The following CDH18 variants were observed in gnomAD, a reference collection of about 807,000 sequenced individuals.
The protein encoded by CDH18 is cadherin-18.
Under a neutral mutation model 67.9 loss-of-function variants are expected in CDH18, and 31 were observed. The observed-to-expected ratio is 0.46, with a 90% CI of 0.34 to 0.62. The LOEUF (loss-of-function observed/expected upper bound fraction) is 0.62. Ranked by LOEUF, CDH18 falls within the 20% of genes least tolerant of loss-of-function variation. The pLI, the probability that CDH18 is intolerant of heterozygous loss-of-function variation, is 0.01. For missense variants in CDH18, 890 were observed against 975.5 expected (o/e 0.91, Z 1.17); for synonymous variants, 362 against 347.2 (o/e 1.04, Z -0.48).
rs1296635572 is a variant in CDH18 at position 20,172,212 on chromosome 5, ATATATATATATGTATATATATATATATG to A, written c.-518+83204_-518+83231del. The stretch of plus-strand genomic sequence containing the variant: ...TGTGTATATATATATATATATATAT[ATATATATATATGTATATATATATATATG>A]TATATATATATATATATCTCCTCTC... On this transcript the variant is annotated intron_variant, in intron 2 of 14. Transcript: ENST00000507958. 2.0e-3 allele frequency among the ~76,000 whole-genome samples: 100 copies of A among 50,702 alleles called. 2 individuals are homozygous for A. The highest frequency in any genetic ancestry group is 8.4e-3 in the African/African-American group (98 of 11,604). 33.3% of individuals were successfully genotyped at this position (50,702 alleles called of 152,430 possible).
chr5:20,027,260 T>G (rs2150444451), intron 2 of CDH18, among the ~76,000 whole-genome samples: 1 of 152,284 alleles, frequency 6.6e-6, no homozygotes, highest in Admixed American at 6.5e-5. Flanking sequence ...CTCCTTAACA[T>G]CCATATAATA....
intron 11 of CDH18, among the ~76,000 whole-genome samples, chr5:19,488,983 T>A (rs1277373236): frequency 6.6e-6 from 1 of 152,114 alleles, no homozygotes; most frequent in Non-Finnish European, 1.5e-5. Flanking sequence ...CATGATCCAA[T>A]ATGTCATTAT....
At chr5:20,288,147 C>T (rs2940441) in intron 1 of CDH18, among the ~76,000 whole-genome samples, 69,365 of 151,168 alleles carry the variant, frequency 0.46, 16,053 homozygotes, top group African/African-American at 0.52. Context: ...TTCCTTTCTG[C>T]AAGAATCTAC....
intron 1 of CDH18, among the ~76,000 whole-genome samples, chr5:20,482,703 G>T (rs2126319563): frequency 6.6e-6 from 1 of 152,070 alleles, no homozygotes; most frequent in East Asian, 1.9e-4. Context: ...TGCTGAAAAA[G>T]CATTTGATAA....
intron 8 of CDH18, among the ~76,000 whole-genome samples, chr5:19,555,868 A>G (rs1738317405): frequency 6.6e-6 from 1 of 152,190 alleles, no homozygotes; most frequent in Non-Finnish European, 1.5e-5. Flanking sequence ...CACAGAGTCT[A>G]CTTCACTCCC....
intron 2 of CDH18, among the ~76,000 whole-genome samples, chr5:20,112,084 T>C (rs966810663): frequency 6.6e-6 from 1 of 152,174 alleles, no homozygotes; most frequent in African/African-American, 2.4e-5. Flanking sequence ...CACACACTTA[T>C]TAAAATTTCA....
chr5:20,448,078 G>C (rs1750147004), intron 1 of CDH18, among the ~76,000 whole-genome samples: 1 of 151,658 alleles, frequency 6.6e-6, no homozygotes, highest in Non-Finnish European at 1.5e-5. Flanking sequence ...ACAGGCCCTG[G>C]TGTGTGATGT....
intron 2 of CDH18, among the ~76,000 whole-genome samples, chr5:19,914,593 C>T (rs1313238185): frequency 1.3e-5 from 2 of 151,646 alleles, no homozygotes; most frequent in African/African-American, 2.4e-5. Flanking sequence ...TGTATATATC[C>T]ACACACTACT....
At chr5:20,349,714 T>C (rs1009748217) in intron 1 of CDH18, among the ~76,000 whole-genome samples, 1 of 152,260 alleles carries the variant, frequency 6.6e-6, no homozygotes, top group Non-Finnish European at 1.5e-5. Context: ...TATTTAACAC[T>C]CTATTGCACA....
At chr5:20,419,864 T>C (rs1370292736) in intron 1 of CDH18, among the ~76,000 whole-genome samples, 3 of 151,054 alleles carry the variant, frequency 2.0e-5, no homozygotes, top group Non-Finnish European at 4.4e-5. Flanking sequence ...CTATCCACTT[T>C]CATGATTTAT....
intron 2 of CDH18, among the ~76,000 whole-genome samples, chr5:20,194,496 A>C (rs946680563): frequency 6.6e-6 from 1 of 152,044 alleles, no homozygotes. Context: ...ATGAATCAAA[A>C]GCTGAGACAC....
intron 2 of CDH18, among the ~76,000 whole-genome samples, chr5:19,960,095 T>A (rs1476068086): frequency 6.6e-6 from 1 of 152,082 alleles, no homozygotes; most frequent in Non-Finnish European, 1.5e-5. Flanking sequence ...TACTGTAGTC[T>A]TTATAAACAC....
chr5:20,432,227 C>T (rs1299802273), intron 1 of CDH18, among the ~76,000 whole-genome samples: 3 of 152,064 alleles, frequency 2.0e-5, no homozygotes, highest in Non-Finnish European at 2.9e-5. Context: ...AAGGTGTCAG[C>T]GCCTTAATTT....
rs575454179 is a variant in CDH18 at position 20,552,345 on chromosome 5, TG to T, written c.-580+23116del. 1.0e-3 allele frequency among the ~76,000 whole-genome samples: 158 copies of T among 152,072 alleles called. 2 individuals are homozygous for T. The highest frequency in any genetic ancestry group is 3.7e-3 in the African/African-American group (155 of 41,494). ...TACAAAAATTAGCTGGGCGTGGTCGTGGGCGCCTGTTATCCCAGCTACTTGA... is the reference window on the plus strand; with the variant it reads ...TACAAAAATTAGCTGGGCGTGGTCGTGGCGCCTGTTATCCCAGCTACTTGA... On this transcript the variant is annotated intron_variant, in intron 1 of 14. Transcript: ENST00000507958.
chr5:20,432,821 T>C (rs1284176374), intron 1 of CDH18, among the ~76,000 whole-genome samples: 1 of 151,670 alleles, frequency 6.6e-6, no homozygotes, highest in African/African-American at 2.4e-5. Flanking sequence ...GGGTTAGATT[T>C]CCAACATGTA....
At chr5:19,924,060 T>G (rs1198177328) in intron 2 of CDH18, among the ~76,000 whole-genome samples, 1 of 152,204 alleles carries the variant, frequency 6.6e-6, no homozygotes, top group Non-Finnish European at 1.5e-5. Context: ...TACATTTTAT[T>G]GCATGGAATA....
chr5:19,637,756 C>A (rs1226686255), intron 5 of CDH18, among the ~76,000 whole-genome samples: 1 of 152,232 alleles, frequency 6.6e-6, no homozygotes, highest in South Asian at 2.1e-4. Context: ...AATTTTCCAT[C>A]CAGTGACCTC....
At chr5:20,072,213 T>A (rs1743538935) in intron 2 of CDH18, among the ~76,000 whole-genome samples, 1 of 152,022 alleles carries the variant, frequency 6.6e-6, no homozygotes. Context: ...TGAGTTGAGA[T>A]GTAAATATCA....
At chr5:20,125,971 C>T (rs191510431) in intron 2 of CDH18, among the ~76,000 whole-genome samples, 16 of 152,172 alleles carry the variant, frequency 1.1e-4, no homozygotes, top group South Asian at 1.0e-3. Context: ...AATTCTAAAA[C>T]GTATATGAAA....
Sources: gnomAD v4.1 joint callset for allele counts (sites outside exome capture counted in the v4.1 genomes callset) on GRCh38, gnomAD v4.1.1 for gene constraint, MANE v1.5 for transcripts, NCBI Gene and HGNC (gene_info 2026-07-23, HGNC 2026-07-21) for gene names.